The following ONECUT1 variants were observed in gnomAD, a reference collection of about 807,000 sequenced individuals.
ONECUT1 encodes one cut homeobox 1, also known as hepatocyte nuclear factor 6.
ONECUT1 carries 12 observed loss-of-function variants against 25.6 expected under a neutral mutation model. That is an observed-to-expected ratio of 0.47 (90% CI 0.30 to 0.76). The LOEUF is 0.76. Among genes scored for constraint, ONECUT1 ranks in the 30% least tolerant of loss-of-function variants. The pLI is 0.07. For synonymous variants in ONECUT1, 285 were observed against 270.2 expected (o/e 1.05, Z -0.54); for missense variants, 620 against 651.2 (o/e 0.95, Z 0.52).
rs185768697 is a variant in ONECUT1 at position 52,757,836 on chromosome 15, T to G, written c.1117A>C (p.Lys373Gln). ...CTATCCTTCCCATGTTCTTGTTCTT[T>G]CCTTTTGCATGCTGTGAAGAAACAC... ...SALRLAACKR[K>Q]EQEHGKDRGN... Residue 373 changes from lysine (K) to glutamine (Q), a missense_variant, in exon 2 of 2, where the codon AAA (lysine) becomes CAA (glutamine). Lys to Gln is a moderately conservative substitution (Grantham distance 53). Coordinates refer to ENST00000305901, the MANE Select transcript of ONECUT1 (RefSeq NM_004498.4). 1 of 1,612,906 alleles carries G rather than the reference T, an allele frequency of 6.2e-7. No homozygotes were observed. Among genetic ancestry groups the G allele is most frequent in the African/African-American group, 1.3e-5 (1 of 74,904 alleles).
intron 1 of ONECUT1, among the ~76,000 whole-genome samples, chr15:52,779,378 G>A (rs2083825064): frequency 6.6e-6 from 1 of 152,094 alleles, no homozygotes; most frequent in Admixed American, 6.5e-5. Context: ...GTGAGCCACC[G>A]TGCCTGGCCG....
chr15:52,787,304 C>T (rs1054393459), intron 1 of ONECUT1, among the ~76,000 whole-genome samples: 7 of 152,092 alleles, frequency 4.6e-5, no homozygotes, highest in Non-Finnish European at 1.0e-4. Context: ...CAGCGCGGTG[C>T]TTTGGGACCG....
At position 52,780,739 on chromosome 15, in the gene ONECUT1, T is replaced by C; in HGVS notation, c.1105+8041A>G. 2 of 1,497,288 alleles carry C rather than the reference T, an allele frequency of 1.3e-6. 1 individual carries two copies. The highest frequency in any genetic ancestry group is 3.4e-4 in the Middle Eastern group (2 of 5,826). 92.8% of individuals were successfully genotyped at this position (1,497,288 alleles called of 1,614,324 possible). A position where few individuals can be genotyped will look rare whatever the true frequency, so the allele number is the denominator to read the frequency against. ...CGTTTGTTTATTTAATTTTCCCCAT[T>C]GATCTGTTTTAGAAGACAACAGGAA... is the stretch of plus-strand genomic sequence containing the variant. On this transcript the variant is annotated intron_variant, in intron 1 of 1. Coordinates refer to ENST00000305901, the MANE Select transcript of ONECUT1 (RefSeq NM_004498.4).
At chr15:52,768,666 T>A (rs191818734) in intron 1 of ONECUT1, among the ~76,000 whole-genome samples, 1 of 152,360 alleles carries the variant, frequency 6.6e-6, no homozygotes, top group East Asian at 1.9e-4. Context: ...GTATTTATAG[T>A]AATTGAGAGT....
At chr15:52,775,825 A>G (rs1451381626) in intron 1 of ONECUT1, among the ~76,000 whole-genome samples, 1 of 152,252 alleles carries the variant, frequency 6.6e-6, no homozygotes, top group Non-Finnish European at 1.5e-5. Flanking sequence ...TAGATTTGTA[A>G]GTGACTCAAA....
intron 1 of ONECUT1, among the ~76,000 whole-genome samples, chr15:52,772,750 T>C (rs1435267335): frequency 6.6e-6 from 1 of 152,166 alleles, no homozygotes; most frequent in African/African-American, 2.4e-5. Context: ...TGGAGGGTTT[T>C]TGTTGTTTTT....
chr15:52,779,615 C>A (rs141686254), intron 1 of ONECUT1, among the ~76,000 whole-genome samples: 1 of 152,176 alleles, frequency 6.6e-6, no homozygotes, highest in Admixed American at 6.5e-5. Flanking sequence ...TTCCCCATAC[C>A]CACCAGGCAA....
chr15:52,786,796 G>T lies in ONECUT1; in HGVS notation c.1105+1984C>A, dbSNP rs1566994909. ...TTCCAGGGGGCGACAGCAGGCAGTG[G>T]GGGGAGGAGGGATATTGAAGTCCAG... is the stretch of plus-strand genomic sequence containing the variant. On this transcript the variant is annotated intron_variant, in intron 1 of 1. Transcript: ENST00000305901. Among the ~76,000 whole-genome samples the T allele has an allele frequency of 4.6e-5, 7 of 152,012 alleles. No individual in the cohort carries two copies. In the South Asian group the frequency reaches 1.5e-3, roughly 32 times the overall value.
chr15:52,789,125 C>A lies in ONECUT1; in HGVS notation c.760G>T (p.Ala254Ser), dbSNP rs780615677. ...CCGTGGCCCTGGGCGTTCAGGTGGGCGTGGGGATGGTGCGGAGGAAGGCCG... is the reference window on the plus strand; with the variant it reads ...CCGTGGCCCTGGGCGTTCAGGTGGGAGTGGGGATGGTGCGGAGGAAGGCCG... ...INGLPPHHPH[A>S]HLNAQGHGQL... The change falls in exon 1 of 2, where the codon GCC becomes TCC. Residue 254 changes from alanine to serine, a missense_variant. Coordinates refer to ENST00000305901, the MANE Select transcript of ONECUT1 (RefSeq NM_004498.4). The surrounding 1 kb of genome is among the most constrained non-coding windows in gnomAD (Gnocchi z 4.1). 5 of 1,600,660 alleles carry A rather than the reference C, an allele frequency of 3.1e-6. No homozygotes were observed. Among genetic ancestry groups the A allele is most frequent in the Non-Finnish European group, 4.2e-6 (5 of 1,179,516 alleles).
At chr15:52,785,411 GCGC>G (rs1199267166) in intron 1 of ONECUT1, among the ~76,000 whole-genome samples, 1 of 152,140 alleles carries the variant, frequency 6.6e-6, no homozygotes, top group East Asian at 1.9e-4. Context: ...CGGGAAGGGG[GCGC>G]CGCCAACTCC....
intron 1 of ONECUT1, among the ~76,000 whole-genome samples, chr15:52,785,573 C>T (rs1410787359): frequency 6.6e-6 from 1 of 152,202 alleles, no homozygotes; most frequent in Non-Finnish European, 1.5e-5. Context: ...GTGTCGCTGT[C>T]TCTTTCCGAG....
rs946499491 is a variant in ONECUT1 at position 52,756,955 on chromosome 15, G to C, written c.*600C>G. 2 of 152,244 alleles carry C rather than the reference G, an allele frequency of 1.3e-5. No homozygotes were observed. Among genetic ancestry groups the C allele is most frequent in the African/African-American group, 4.8e-5 (2 of 41,408 alleles). The allele number at this position is 152,244 out of a possible 1,614,324, so 9.4% of individuals were successfully genotyped here. On this transcript the variant is annotated 3_prime_UTR_variant, in exon 2 of 2. Transcript: ENST00000305901. ...CTTAACAAACAAAGAGAATGCACTG[G>C]TTTAGGTGTCATTCAAATTTTCTTT...
intron 1 of ONECUT1, among the ~76,000 whole-genome samples, chr15:52,767,147 C>G (rs1414453801): frequency 6.6e-6 from 1 of 152,160 alleles, no homozygotes; most frequent in African/African-American, 2.4e-5. Flanking sequence ...GTCACCCCAA[C>G]AGCAAAATGG....
chr15:52,757,495 T>C lies in ONECUT1; in HGVS notation c.*60A>G. On this transcript the variant is annotated 3_prime_UTR_variant, in exon 2 of 2. Transcript: ENST00000305901. Reference sequence around the variant, plus strand: ...ACCTGCTATCTTGAGGTCCTGGTCTTTTAAAAATTTTTTTTAATTTAAAGC... The same window carrying C: ...ACCTGCTATCTTGAGGTCCTGGTCTCTTAAAAATTTTTTTTAATTTAAAGC... 6.5e-7 allele frequency: 1 copy of C among 1,530,564 alleles called. No homozygotes were observed. Among genetic ancestry groups the C allele is most frequent in the Non-Finnish European group, 8.8e-7 (1 of 1,139,998 alleles). The allele number at this position is 1,530,564 out of a possible 1,614,324, so 94.8% of individuals were successfully genotyped here.
Position 52,789,326 on chromosome 15 carries a change from G to T in ONECUT1, c.559C>A (p.Leu187Met). The change falls in exon 1 of 2, where the codon CTG becomes ATG. Residue 187 changes from leucine (L) to methionine (M), a missense_variant. Leu to Met is a conservative substitution (Grantham distance 15). Around this residue, in one of 4 missense-constraint regions of ONECUT1, gnomAD observed 440 missense variants for 404.9 expected, o/e 1.09. Transcript: ENST00000305901. The surrounding 1 kb of genome is among the most constrained non-coding windows in gnomAD (Gnocchi z 4.1). ...TGCTGGGAGTTGTGGATGCTGCCCAGACCGGAGCTGGAGAGGGGCGAGAGG... is the reference window on the plus strand; with the variant it reads ...TGCTGGGAGTTGTGGATGCTGCCCATACCGGAGCTGGAGAGGGGCGAGAGG... ...QSLSPLSSSGLGSIHNSQQGL... is the reference protein window; with the variant it reads ...QSLSPLSSSGMGSIHNSQQGL... 6.3e-7 allele frequency: 1 copy of T among 1,583,118 alleles called. No homozygotes were observed.
At position 52,789,189 on chromosome 15, in the gene ONECUT1, C is replaced by T. The variant is rs529209684; in HGVS notation, c.696G>A (p.Gln232=). The change falls in exon 1 of 2, where the codon CAG becomes CAA. Residue 232 remains glutamine (Q), a synonymous_variant. Coordinates refer to ENST00000305901, the MANE Select transcript of ONECUT1 (RefSeq NM_004498.4). The surrounding 1 kb of genome is among the most constrained non-coding windows in gnomAD (Gnocchi z 4.1). The part of the protein sequence containing the change: ...HPAMLGRHGE[Q]HLTPTSAGMV... ...TGCCGGCCGAGGTGGGCGTGAGGTG[C>T]TGCTCCCCGTGGCGGCCGAGCATGG... 26 of 1,576,710 alleles carry T rather than the reference C, an allele frequency of 1.6e-5. No homozygotes were observed. The African/African-American group carries it at 3.1e-4, about 19-fold the overall frequency.
In ONECUT1 at chr15:52,790,329, T is replaced by C. The variant is rs76939726; in HGVS notation, c.-445A>G. Among the ~76,000 whole-genome samples the C allele has an allele frequency of 0.021, 3,131 of 151,004 alleles. 107 individuals carry two copies. Among genetic ancestry groups the C allele is most frequent in the African/African-American group, 0.073 (3,005 of 41,328 alleles). Reference sequence around the variant, plus strand: ...CTGGCCAGCTTGAGCCATGGCTCTGTTACTGTTACAGACTCTGTGGCCGCG... The same window carrying C: ...CTGGCCAGCTTGAGCCATGGCTCTGCTACTGTTACAGACTCTGTGGCCGCG... On this transcript the variant is annotated 5_prime_UTR_variant, in exon 1 of 2. Coordinates refer to ENST00000305901, the MANE Select transcript of ONECUT1 (RefSeq NM_004498.4).
chr15:52,780,746 T>G, intron 1 of ONECUT1: 1 of 1,467,828 alleles, frequency 6.8e-7, no homozygotes, highest in East Asian at 2.5e-5. Context: ...CATTGATCTG[T>G]TTTAGAAGAC....
intron 1 of ONECUT1, among the ~76,000 whole-genome samples, chr15:52,774,122 TACACACACACACACACACACAC>T (rs35891922): frequency 7.3e-6 from 1 of 137,714 alleles, no homozygotes; most frequent in African/African-American, 2.8e-5. Flanking sequence ...ATTGGAAGGA[TACACACACACACACACACACAC>T]ACACACACAC....
Sources: gnomAD v4.1 joint callset for allele counts (sites outside exome capture counted in the v4.1 genomes callset) on GRCh38, gnomAD v4.1.1 for gene constraint, gnomAD v4.1.1 regional missense constraint, Gnocchi (gnomAD v3.1) non-coding constraint, MANE v1.5 for transcripts, NCBI Gene and HGNC (gene_info 2026-07-23, HGNC 2026-07-21) for gene names.